ANK1: variants seen among roughly 807,000 people sequenced by gnomAD.
ANK1 encodes the protein ankyrin-1.
Under a neutral mutation model 210.4 loss-of-function variants are expected in ANK1, and 51 were observed. The ratio of observed to expected loss-of-function variants is 0.24; its 90% confidence interval spans 0.19 to 0.31. The LOEUF (loss-of-function observed/expected upper bound fraction) is 0.31. Among genes scored for constraint, ANK1 ranks in the 10% least tolerant of loss-of-function variants. The pLI, the probability that ANK1 is intolerant of heterozygous loss-of-function variation, is 1.00. For missense variants in ANK1, 2,051 were observed against 2,504.4 expected (o/e 0.82, Z 3.86); for synonymous variants, 967 against 1,025.9 (o/e 0.94, Z 1.10).
At chr8:41,734,126 G>C in intron 2 of ANK1, 57 bp from the exon 3 acceptor site, 1 of 1,431,934 alleles carries the variant, frequency 7.0e-7, no homozygotes, top group Non-Finnish European at 9.8e-7. Flanking sequence ...CTTTCTGCAC[G>C]TCCCAGTGGG....
chr8:41,816,992 G>T (rs956463308), intron 1 of ANK1, among the ~76,000 whole-genome samples: 5 of 152,130 alleles, frequency 3.3e-5, no homozygotes, highest in African/African-American at 1.2e-4. Context: ...ACTTATAAGA[G>T]AATAGCTGGA....
intron 23 of ANK1, among the ~76,000 whole-genome samples, chr8:41,698,348 G>A (rs1202950012): frequency 1.3e-5 from 2 of 152,108 alleles, no homozygotes; most frequent in Admixed American, 6.5e-5. Context: ...CAGAATCCTC[G>A]CTCTGGCTAA....
At chr8:41,765,669 C>G (rs778076477) in intron 1 of ANK1, among the ~76,000 whole-genome samples, 1 of 152,190 alleles carries the variant, frequency 6.6e-6, no homozygotes, top group African/African-American at 2.4e-5. Flanking sequence ...AGGAAGGGAA[C>G]AGAATTCTTC....
intron 38 of ANK1, among the ~76,000 whole-genome samples, chr8:41,671,850 G>A (rs1812485934): frequency 7.8e-6 from 1 of 128,770 alleles, no homozygotes. Context: ...GTGCCCCGAT[G>A]TCCTAAGTGA....
intron 1 of ANK1, among the ~76,000 whole-genome samples, chr8:41,854,931 G>T (rs1483855506): frequency 6.8e-6 from 1 of 146,656 alleles, no homozygotes; most frequent in Non-Finnish European, 1.5e-5. Context: ...CTGGATGATA[G>T]AATGCAACCC....
intron 1 of ANK1, among the ~76,000 whole-genome samples, chr8:41,786,649 C>T (rs970766077): frequency 1.3e-5 from 2 of 152,166 alleles, no homozygotes; most frequent in Non-Finnish European, 2.9e-5. Flanking sequence ...CTAATCCCAG[C>T]CCAGCACTCA....
rs1035901453 is a variant in ANK1, at chr8:41,694,160, G to T, written c.3328-58C>A. 1.8e-5 allele frequency: 28 copies of T among 1,547,126 alleles called. No homozygotes were observed. The highest frequency in any genetic ancestry group is 2.5e-5 in the Non-Finnish European group (28 of 1,131,974). On this transcript the variant is annotated intron_variant, in intron 28 of 42. Transcript: ENST00000289734. This position sits in a 1 kb window ranked among gnomAD's most constrained non-coding sequence, Gnocchi z 5.7. ...CAAGCAGGAGAGGGGCTAATCAGAC[G>T]GGAGGCAGCTCCATGCCTGGTGAGA...
intron 1 of ANK1, among the ~76,000 whole-genome samples, chr8:41,846,196 T>A (rs1446851490): frequency 6.6e-6 from 1 of 152,208 alleles, no homozygotes; most frequent in African/African-American, 2.4e-5. Context: ...GACTGTGGTG[T>A]GGCTGGATTT....
In ANK1 at chr8:41,736,741, G is replaced by A. The variant is rs116952772; in HGVS notation, c.130-2672C>T. Among the ~76,000 whole-genome samples, 437 of 152,296 alleles carry A rather than the reference G, an allele frequency of 2.9e-3. 4 individuals carry two copies. The highest frequency in any genetic ancestry group is 4.4e-3 in the Non-Finnish European group (300 of 68,016). ...ATGCTTGCCGCTAATGCTCTGGGAC[G>A]GCCGGCCCCTGCTGTTTGAGGCCAA... On this transcript the variant is annotated intron_variant, in intron 2 of 42. Coordinates refer to ENST00000289734, the MANE Select transcript of ANK1 (RefSeq NM_000037.4).
chr8:41,684,150 C>T lies in ANK1; in HGVS notation c.4537+394G>A, dbSNP rs147933779. Among the ~76,000 whole-genome samples, 475 of 152,368 alleles carry T rather than the reference C, an allele frequency of 3.1e-3. 1 individual carries two copies. The highest frequency in any genetic ancestry group is 5.1e-3 in the Non-Finnish European group (348 of 68,034). On this transcript the variant is annotated intron_variant, in intron 37 of 42. Transcript: ENST00000289734. ...ACTGTTTTACAGATGGGGACACTGA[C>T]ACCCCAAAGAGGGCCCACGCCTTGC...
chr8:41,668,318 G>T lies in ANK1; in HGVS notation c.5343C>A (p.Gly1781=). The change falls in exon 39 of 43, where the codon GGC becomes GGA. Residue 1781 remains glycine (G), a synonymous_variant. Transcript: ENST00000289734. ...TGGCCTCCTGCACCTGCTCTTCTTG[G>T]CCTTGCTGCCTCCGGTCCCTGTCGG... ...SQADRDRRQQ[G]QEEQVQEAKN... 6.2e-7 allele frequency: 1 copy of T among 1,614,196 alleles called. No individual in the cohort carries two copies. Among genetic ancestry groups the T allele is most frequent in the Non-Finnish European group, 8.5e-7 (1 of 1,180,030 alleles).
chr8:41,778,775 G>A (rs1844660544), intron 1 of ANK1, among the ~76,000 whole-genome samples: 2 of 152,118 alleles, frequency 1.3e-5, no homozygotes, highest in South Asian at 4.2e-4. Flanking sequence ...TATACAAAGA[G>A]GAAAATAAAG....
At chr8:41,771,203 C>T (rs556757105) in intron 1 of ANK1, among the ~76,000 whole-genome samples, 1 of 152,280 alleles carries the variant, frequency 6.6e-6, no homozygotes, top group South Asian at 2.1e-4. Flanking sequence ...CTTAATAGAA[C>T]TCTTTATTCA....
At chr8:41,701,870 C>T (rs1822900963) in intron 21 of ANK1, among the ~76,000 whole-genome samples, 182 bp downstream of exon 21, 1 of 152,220 alleles carries the variant, frequency 6.6e-6, no homozygotes, top group African/African-American at 2.4e-5. Flanking sequence ...CCCTAGTCCT[C>T]GGGCCGCTAG....
chr8:41,777,338 G>T (rs1336327571), intron 1 of ANK1, among the ~76,000 whole-genome samples: 1 of 152,174 alleles, frequency 6.6e-6, no homozygotes, highest in Non-Finnish European at 1.5e-5. Flanking sequence ...ACTTTGGGAG[G>T]CTGAGGCAGG....
chr8:41,767,663 G>A (rs950693497), intron 1 of ANK1, among the ~76,000 whole-genome samples: 3 of 152,086 alleles, frequency 2.0e-5, no homozygotes, highest in African/African-American at 7.2e-5. Context: ...AAGGGGGTGC[G>A]CGCGGGGGCG....
chr8:41,770,478 C>A (rs955870498), intron 1 of ANK1, among the ~76,000 whole-genome samples: 26 of 152,204 alleles, frequency 1.7e-4, no homozygotes, highest in African/African-American at 2.4e-5. Context: ...GTACTCGGTT[C>A]TTATAATTCT....
intron 1 of ANK1, among the ~76,000 whole-genome samples, chr8:41,783,201 C>A (rs1845679457): frequency 6.6e-6 from 1 of 152,226 alleles, no homozygotes. Context: ...GTAATCCAGT[C>A]ATTGAAGGAG....
intron 5 of ANK1, among the ~76,000 whole-genome samples, chr8:41,727,046 G>A (rs568926031): frequency 7.2e-5 from 11 of 152,314 alleles, no homozygotes; most frequent in African/African-American, 2.2e-4. Flanking sequence ...TCTTTGGTAC[G>A]TGTCTGGGCC....
Sources: gnomAD v4.1 joint callset for allele counts (sites outside exome capture counted in the v4.1 genomes callset) on GRCh38, gnomAD v4.1.1 for gene constraint, Gnocchi (gnomAD v3.1) non-coding constraint, MANE v1.5 for transcripts, NCBI Gene and HGNC (gene_info 2026-07-23, HGNC 2026-07-21) for gene names.